Variants in FAF1 observed in about 807,000 individuals in gnomAD.
FAF1 encodes Fas associated factor 1, also known as FAS-associated factor 1.
A neutral mutation model predicts 92.5 loss-of-function variants in FAF1; 25 were observed. That is an observed-to-expected ratio of 0.27 (90% confidence interval 0.20 to 0.38). The LOEUF (loss-of-function observed/expected upper bound fraction) is 0.38, where lower values mean the gene tolerates loss of function less well. FAF1 is among the 10% of genes least tolerant of loss of function. FAF1 has a pLI of 1.00. For missense variants in FAF1, 636 were observed against 793.3 expected (o/e 0.80, Z 2.38); for synonymous variants, 234 against 273.2 (o/e 0.86, Z 1.42).
At chr1:50,570,411 C>G (rs994385804) in intron 12 of FAF1, among the ~76,000 whole-genome samples, 1 of 152,058 alleles carries the variant, frequency 6.6e-6, no homozygotes, top group East Asian at 1.9e-4. Flanking sequence ...GCGACTGGCT[C>G]GCCTCGCCCC....
At chr1:50,559,083 T>A (rs975400911) in intron 13 of FAF1, among the ~76,000 whole-genome samples, 4 of 152,070 alleles carry the variant, frequency 2.6e-5, no homozygotes, top group African/African-American at 9.7e-5. Flanking sequence ...AAACCCCATC[T>A]CTACTAAAAA....
chr1:50,548,277 C>T (rs1649130561), intron 13 of FAF1, among the ~76,000 whole-genome samples: 2 of 151,912 alleles, frequency 1.3e-5, no homozygotes, highest in Admixed American at 1.3e-4. Flanking sequence ...ATTACTGGGG[C>T]CTACATTTAG....
At chr1:50,678,547 C>G (rs1218618356) in intron 7 of FAF1, among the ~76,000 whole-genome samples, 2 of 151,908 alleles carry the variant, frequency 1.3e-5, no homozygotes, top group Non-Finnish European at 2.9e-5. Flanking sequence ...CTTTGGGAGG[C>G]CAAGGTGGTG....
chr1:50,925,996 G>A (rs988993448), intron 1 of FAF1, among the ~76,000 whole-genome samples: 4 of 152,142 alleles, frequency 2.6e-5, no homozygotes, highest in South Asian at 2.1e-4. Context: ...CAGGAGGGTC[G>A]CTTAAGGCCA....
At chr1:50,541,084 T>C (rs1343356933) in intron 13 of FAF1, among the ~76,000 whole-genome samples, 5 of 152,212 alleles carry the variant, frequency 3.3e-5, no homozygotes, top group African/African-American at 9.7e-5. Context: ...TCACATTCAT[T>C]TGATATCCAA....
chr1:50,926,835 T>C (rs1645009720), intron 1 of FAF1, among the ~76,000 whole-genome samples: 2 of 152,236 alleles, frequency 1.3e-5, no homozygotes, highest in Non-Finnish European at 2.9e-5. Flanking sequence ...CATAGTACCA[T>C]TGTTGACAAT....
At chr1:50,740,747 G>C (rs1021461791) in intron 5 of FAF1, among the ~76,000 whole-genome samples, 17 of 151,986 alleles carry the variant, frequency 1.1e-4, no homozygotes, top group African/African-American at 4.1e-4. Context: ...AATTTACCAG[G>C]AGACATGGAC....
rs539585788 is a variant in FAF1, at chr1:50,807,464, CACTTTTAA to C, written c.115-5795_115-5788del. On this transcript the variant is annotated intron_variant, in intron 2 of 18. Transcript: ENST00000396153. ...AGAGACTCAAGGGGGAAGTGCCACA[CACTTTTAA>C]ACTATCAGATCTCATGAGAACTCAT... Among the ~76,000 whole-genome samples the C allele has an allele frequency of 6.0e-4, 92 of 152,316 alleles. 1 individual carries two copies. The East Asian group carries it at 0.014, about 23-fold the overall frequency.
rs1166293191 is a variant in FAF1 at position 50,437,301 on chromosome 1, T to G, written c.*4139A>C. The G allele has an allele frequency of 6.6e-6, 1 of 152,154 alleles. No individual in the cohort carries two copies. The highest frequency in any genetic ancestry group is 2.4e-5 in the African/African-American group (1 of 41,426). The allele number at this position is 152,154 out of a possible 1,614,324, so 9.4% of individuals were successfully genotyped here. A position where few individuals can be genotyped will look rare whatever the true frequency, so the allele number is the denominator to read the frequency against. On this transcript the variant is annotated 3_prime_UTR_variant, in exon 19 of 19. Coordinates refer to ENST00000396153, the MANE Select transcript of FAF1 (RefSeq NM_007051.3). ...ATAGGATGACGTAAATGGTGATTCT[T>G]AAAATTTTTTGATCAATAGGTCCCA... is the stretch of plus-strand genomic sequence containing the variant.
At chr1:50,630,826 A>ATTTTTTTTT (rs1471050080) in intron 8 of FAF1, among the ~76,000 whole-genome samples, 2 of 125,336 alleles carry the variant, frequency 1.6e-5, no homozygotes, top group African/African-American at 3.2e-5. Context: ...AGTGTATCAT[A>ATTTTTTTTT]TCTTTTTTTT....
chr1:50,769,607 G>A (rs746911066), intron 4 of FAF1, among the ~76,000 whole-genome samples: 2 of 152,172 alleles, frequency 1.3e-5, no homozygotes, highest in Non-Finnish European at 2.9e-5. Context: ...TGATCAAGTG[G>A]ACTTTATCCC....
intron 6 of FAF1, among the ~76,000 whole-genome samples, chr1:50,710,338 G>A (rs1657867699): frequency 2.0e-5 from 3 of 152,178 alleles, no homozygotes; most frequent in African/African-American, 7.2e-5. Flanking sequence ...CTGGATAGCT[G>A]TGGAAGAGGG....
At chr1:50,923,514 T>A (rs1448154768) in intron 1 of FAF1, among the ~76,000 whole-genome samples, 1 of 151,614 alleles carries the variant, frequency 6.6e-6, no homozygotes, top group African/African-American at 2.4e-5. Context: ...TGAAAAAAAC[T>A]AGCACCAACT....
intron 4 of FAF1, among the ~76,000 whole-genome samples, chr1:50,755,790 C>A (rs1237901282): frequency 6.6e-6 from 1 of 152,200 alleles, no homozygotes; most frequent in East Asian, 1.9e-4. Flanking sequence ...AGGCTCAACA[C>A]CACATGGAAG....
chr1:50,865,742 G>A (rs1307301083), intron 1 of FAF1, among the ~76,000 whole-genome samples: 1 of 138,108 alleles, frequency 7.2e-6, no homozygotes, highest in Non-Finnish European at 1.6e-5. Context: ...AATGCTAAAT[G>A]ACGAGTTAAT....
At chr1:50,669,762 A>C (rs1332451036) in intron 7 of FAF1, among the ~76,000 whole-genome samples, 1 of 152,258 alleles carries the variant, frequency 6.6e-6, no homozygotes, top group Non-Finnish European at 1.5e-5. Flanking sequence ...TGTCCAATAT[A>C]GTGGCCATTA....
chr1:50,500,217 A>G (rs1646967363), intron 15 of FAF1, among the ~76,000 whole-genome samples: 1 of 152,180 alleles, frequency 6.6e-6, no homozygotes, highest in South Asian at 2.1e-4. Context: ...ATGGATAAAA[A>G]ATAAAATAAC....
chr1:50,825,056 A>C (rs1254850705), intron 2 of FAF1, among the ~76,000 whole-genome samples: 1 of 152,122 alleles, frequency 6.6e-6, no homozygotes, highest in Non-Finnish European at 1.5e-5. Flanking sequence ...GAGTGACTAT[A>C]GTTAACAATA....
chr1:50,670,171 A>G (rs1655809934), intron 7 of FAF1, among the ~76,000 whole-genome samples: 1 of 151,674 alleles, frequency 6.6e-6, no homozygotes, highest in African/African-American at 2.4e-5. Context: ...AAATGTTTTA[A>G]GTTTATTTAT....
Sources: gnomAD v4.1 joint callset for allele counts (sites outside exome capture counted in the v4.1 genomes callset) on GRCh38, gnomAD v4.1.1 for gene constraint, MANE v1.5 for transcripts, NCBI Gene and HGNC (gene_info 2026-07-23, HGNC 2026-07-21) for gene names.